EHMT1: variants seen among roughly 807,000 people sequenced by gnomAD.
EHMT1 encodes histone-lysine N-methyltransferase EHMT1.
A neutral mutation model predicts 147.2 loss-of-function variants in EHMT1; 15 were observed. The observed-to-expected ratio is 0.10, with a 90% confidence interval of 0.07 to 0.16. The LOEUF (loss-of-function observed/expected upper bound fraction) is 0.16, where lower values mean the gene tolerates loss of function less well. Among genes scored for constraint, EHMT1 ranks in the 10% least tolerant of loss-of-function variants. The pLI is 1.00. For synonymous variants in EHMT1, 795 were observed against 709.6 expected, an observed-to-expected ratio of 1.12 and a Z score of -1.91; for missense variants, 1,587 against 1,772.4, an observed-to-expected ratio of 0.90 and a Z score of 1.88.
At chr9:137,717,381 T>C in intron 3 of EHMT1, 199 bp downstream of exon 3, 2 of 734,314 alleles carry the variant, frequency 2.7e-6, no homozygotes, top group Non-Finnish European at 4.6e-6. Flanking sequence ...GGCGGGTGGA[T>C]TGCTTGAGCC....
intron 1 of EHMT1, among the ~76,000 whole-genome samples, chr9:137,671,525 T>TC (rs1277856287): frequency 1.4e-5 from 2 of 144,214 alleles, no homozygotes; most frequent in African/African-American, 5.4e-5. Flanking sequence ...TCTTTCTTTT[T>TC]TTTTTTTTTT....
In EHMT1 at chr9:137,732,349, G is replaced by A. The variant is rs1471535136; in HGVS notation, c.823+3820G>A. 6.6e-6 allele frequency among the ~76,000 whole-genome samples: 1 copy of A among 152,236 alleles called. No homozygotes were observed. Among genetic ancestry groups the A allele is most frequent in the Non-Finnish European group, 1.5e-5 (1 of 68,042 alleles). ...TGTTACAGCCCTTTTTGCACCCGCT[G>A]TTGCGTGGGTCCCGAGTTCTTGTCT... is the stretch of plus-strand genomic sequence containing the variant. On this transcript the variant is annotated intron_variant, in intron 4 of 26. Transcript: ENST00000460843. This position sits in a 1 kb window ranked among gnomAD's most constrained non-coding sequence, Gnocchi z 4.6.
At chr9:137,623,256 T>C (rs1843047904) in intron 1 of EHMT1, among the ~76,000 whole-genome samples, 1 of 151,776 alleles carries the variant, frequency 6.6e-6, no homozygotes, top group South Asian at 2.1e-4. Context: ...TCCCTCTGCC[T>C]GGTACACAGC....
chr9:137,698,274 G>T (rs1943563903), intron 1 of EHMT1, among the ~76,000 whole-genome samples: 1 of 152,250 alleles, frequency 6.6e-6, no homozygotes, highest in African/African-American at 2.4e-5. Context: ...ACTAGGAAAA[G>T]AAATGATCAC....
chr9:137,637,301 G>A (rs1252410710), intron 1 of EHMT1, among the ~76,000 whole-genome samples: 1 of 152,006 alleles, frequency 6.6e-6, no homozygotes, highest in Non-Finnish European at 1.5e-5. Context: ...TCAGCCTCCC[G>A]AGTAGCTGGG....
chr9:137,646,117 C>G (rs1410599975), intron 1 of EHMT1, among the ~76,000 whole-genome samples: 1 of 152,128 alleles, frequency 6.6e-6, no homozygotes, highest in Non-Finnish European at 1.5e-5. Context: ...CACCACCACA[C>G]CCAGCTAACT....
intron 18 of EHMT1, among the ~76,000 whole-genome samples, chr9:137,805,032 A>C (rs1953816770): frequency 6.6e-6 from 1 of 151,926 alleles, no homozygotes; most frequent in African/African-American, 2.4e-5. Context: ...AGTCATCTGC[A>C]TGTCTGTCAG....
intron 25 of EHMT1, among the ~76,000 whole-genome samples, chr9:137,832,442 A>T (rs1956272111): frequency 7.7e-6 from 1 of 129,126 alleles, no homozygotes; most frequent in African/African-American, 3.1e-5. Context: ...CCATCCTAGG[A>T]TTGGCTGGTC....
At chr9:137,771,492 A>G (rs1343802794) in intron 10 of EHMT1, among the ~76,000 whole-genome samples, 1 of 151,970 alleles carries the variant, frequency 6.6e-6, no homozygotes, top group Non-Finnish European at 1.5e-5. Flanking sequence ...GCTATCTCCC[A>G]TGTCTTTGAG....
chr9:137,740,206 C>T (rs568524768), intron 4 of EHMT1, among the ~76,000 whole-genome samples: 2 of 152,254 alleles, frequency 1.3e-5, no homozygotes, highest in South Asian at 4.1e-4. Context: ...CCACTCCTGG[C>T]ACTATTTTTC....
At chr9:137,751,509 G>GA (rs1248795307) in intron 6 of EHMT1, among the ~76,000 whole-genome samples, 1 of 152,196 alleles carries the variant, frequency 6.6e-6, no homozygotes. Flanking sequence ...GAAATGCAGA[G>GA]AATAGTGGAA....
chr9:137,770,399 G>A (rs114241494), intron 10 of EHMT1, among the ~76,000 whole-genome samples: 484 of 152,316 alleles, frequency 3.2e-3, no homozygotes, highest in African/African-American at 0.01. Flanking sequence ...GAAATTCCTC[G>A]TCTGTAGTAC....
intron 6 of EHMT1, chr9:137,747,827 A>G (rs1307624279): frequency 6.6e-6 from 1 of 151,330 alleles, no homozygotes; most frequent in Non-Finnish European, 1.5e-5. Context: ...CCCAAAAGTA[A>G]CCCCTCTCCT....
At chr9:137,741,953 A>G (rs1948122924) in intron 4 of EHMT1, among the ~76,000 whole-genome samples, 3 of 152,232 alleles carry the variant, frequency 2.0e-5, no homozygotes, top group Non-Finnish European at 4.4e-5. Context: ...CAAGATGATT[A>G]TGATAGTGAG....
chr9:137,787,793 T>TG lies in EHMT1; in HGVS notation c.2383-3050dup. On this transcript the variant is annotated intron_variant, in intron 15 of 26. Transcript: ENST00000460843. This position sits in a 1 kb window ranked among gnomAD's most constrained non-coding sequence, Gnocchi z 4.2. The stretch of plus-strand genomic sequence containing the variant: ...GAAGAGGGCGTCTAGATCCCAGCCC[T>TG]GGGGGCCCTCAGGTTTCAGGGGCCA... 1.2e-6 allele frequency: 1 copy of TG among 854,908 alleles called. No individual in the cohort carries two copies. The allele number at this position is 854,908 out of a possible 1,614,324, so 53.0% of individuals were successfully genotyped here. A position where few individuals can be genotyped will look rare whatever the true frequency, so the allele number is the denominator to read the frequency against.
intron 18 of EHMT1, chr9:137,802,561 C>G (rs1221089131): frequency 1.3e-5 from 5 of 398,332 alleles, no homozygotes; most frequent in African/African-American, 4.1e-5. Context: ...GGAGGGAGGG[C>G]TGACACTTCC....
At chr9:137,694,478 C>T (rs975138234) in intron 1 of EHMT1, among the ~76,000 whole-genome samples, 28 of 152,194 alleles carry the variant, frequency 1.8e-4, no homozygotes, top group Non-Finnish European at 3.1e-4. Flanking sequence ...AGGCCGGCTC[C>T]GTGCCCTTCT....
At chr9:137,814,672 C>A in intron 22 of EHMT1, 164 bp downstream of exon 22, 1 of 764,780 alleles carries the variant, frequency 1.3e-6, no homozygotes, top group South Asian at 1.5e-5. Context: ...CGGGCACCAG[C>A]ACCCGAGTCA....
rs1947123987 is a variant in EHMT1 at position 137,731,679 on chromosome 9, C to T, written c.823+3150C>T. 6.6e-6 allele frequency among the ~76,000 whole-genome samples: 1 copy of T among 152,144 alleles called. No individual in the cohort carries two copies. The highest frequency in any genetic ancestry group is 1.5e-5 in the Non-Finnish European group (1 of 68,022). ...GGCGCCTCTGCTTGAGTTTCACTTG[C>T]ACCTGCTGGGCTCATTCTGCCCACT... is the stretch of plus-strand genomic sequence containing the variant. On this transcript the variant is annotated intron_variant, in intron 4 of 26. Coordinates refer to ENST00000460843, the MANE Select transcript of EHMT1 (RefSeq NM_024757.5). This position sits in a 1 kb window ranked among gnomAD's most constrained non-coding sequence, Gnocchi z 4.3.
Sources: allele counts gnomAD v4.1 joint callset (sites outside exome capture counted in the v4.1 genomes callset), GRCh38; gene constraint gnomAD v4.1.1; non-coding constraint Gnocchi (gnomAD v3.1); transcripts MANE v1.5; gene names NCBI Gene and HGNC (gene_info 2026-07-23, HGNC 2026-07-21).